The following CFAP91 variants were observed in gnomAD, a reference collection of about 807,000 sequenced individuals.
CFAP91 encodes the protein cilia- and flagella-associated protein 91.
CFAP91 carries 85 observed loss-of-function variants against 95.9 expected under a neutral mutation model. That is an observed-to-expected ratio of 0.89 (90% CI 0.74 to 1.06). The LOEUF is 1.06. Among genes scored for constraint, CFAP91 ranks in the 50% least tolerant of loss-of-function variants. The pLI, the probability that CFAP91 is intolerant of heterozygous loss-of-function variation, is 0.00. For synonymous variants in CFAP91, 335 were observed against 327.5 expected (o/e 1.02, Z -0.25); for missense variants, 962 against 943.4 (o/e 1.02, Z -0.26).
At chr3:119,762,658 T>G (rs961730515) in intron 17 of CFAP91, among the ~76,000 whole-genome samples, 1 of 151,986 alleles carries the variant, frequency 6.6e-6, no homozygotes, top group Non-Finnish European at 1.5e-5. Context: ...AGCCCAGAAA[T>G]GCACCCACAG....
intron 10 of CFAP91, among the ~76,000 whole-genome samples, 169 bp from the exon 11 acceptor site, chr3:119,737,197 A>C (rs973345613): frequency 2.0e-5 from 3 of 152,224 alleles, no homozygotes; most frequent in Admixed American, 6.5e-5. Flanking sequence ...TAGATCTGGT[A>C]ATGAAGGAAA....
rs757881255 is a variant in CFAP91, at chr3:119,732,328, A to G, written c.1053A>G (p.Ile351Met). 6.2e-7 allele frequency: 1 copy of G among 1,610,228 alleles called. No homozygotes were observed. The highest frequency in any genetic ancestry group is 2.2e-5 in the East Asian group (1 of 44,778). ...IRKLVGKRKN[I>M]EGKLERRNII... ...AACTTGTAGGAAAGAGAAAGAATAT[A>G]GAAGGGAAGTTGGAGAGAAGAAATA... is the stretch of plus-strand genomic sequence containing the variant. The change falls in exon 9 of 18, where the codon ATA (isoleucine) becomes ATG (methionine). Residue 351 changes from isoleucine to methionine, a missense_variant. Physicochemically the swap from Ile to Met is conservative, Grantham distance 10. Transcript: ENST00000273390.
intron 5 of CFAP91, chr3:119,710,215 G>A (rs2107856483): frequency 4.7e-6 from 1 of 211,024 alleles, no homozygotes; most frequent in East Asian, 1.2e-4. Context: ...TTGTCCATTT[G>A]TGCTGCTATA....
intron 17 of CFAP91, among the ~76,000 whole-genome samples, chr3:119,762,561 C>G (rs1280819548): frequency 6.6e-6 from 1 of 151,890 alleles, no homozygotes; most frequent in South Asian, 2.1e-4. Flanking sequence ...AAAGCCATCA[C>G]ACTACCTGAC....
chr3:119,711,666 T>G (rs1171187960), intron 5 of CFAP91, among the ~76,000 whole-genome samples: 1 of 152,162 alleles, frequency 6.6e-6, no homozygotes, highest in Non-Finnish European at 1.5e-5. Context: ...GGAATTCCAG[T>G]ATGTTTGAGT....
intron 5 of CFAP91, among the ~76,000 whole-genome samples, chr3:119,714,999 C>T (rs1559749045): frequency 1.3e-5 from 2 of 152,192 alleles, no homozygotes; most frequent in Non-Finnish European, 2.9e-5. Context: ...GACAAGCTAA[C>T]TTTCCCACAT....
Position 119,747,166 on chromosome 3 carries a change from C to CTGAA in CFAP91, c.1956_1959dup (p.Thr654GlufsTer20). ...AAGCTCCTACCTAGAAGACATAATA[C>CTGAA]TGAATACCGAAGCGAATACTGCAGA... On this transcript the variant is annotated frameshift_variant, in exon 15 of 18. Coordinates refer to ENST00000273390, the MANE Select transcript of CFAP91 (RefSeq NM_033364.4). LOFTEE classifies it high-confidence loss of function. The CTGAA allele has an allele frequency of 1.9e-6, 3 of 1,613,550 alleles. No homozygotes were observed. The highest frequency in any genetic ancestry group is 2.5e-6 in the Non-Finnish European group (3 of 1,179,756).
intron 5 of CFAP91, 44 bp downstream of exon 5, chr3:119,709,939 G>C (rs760666190): frequency 1.7e-5 from 24 of 1,425,602 alleles, no homozygotes; most frequent in Admixed American, 3.5e-5. Context: ...TTTATTTATT[G>C]TTTGCTTCCA....
At chr3:119,719,288 A>G (rs4234665) in intron 6 of CFAP91, among the ~76,000 whole-genome samples, 139,079 of 152,254 alleles carry the variant, frequency 0.91, 64,825 homozygotes, top group East Asian at 1. Context: ...TATCCTTGGG[A>G]CAGGTAGTGA....
intron 7 of CFAP91, among the ~76,000 whole-genome samples, chr3:119,726,945 A>G (rs2053795560): frequency 6.6e-6 from 1 of 152,018 alleles, no homozygotes; most frequent in Non-Finnish European, 1.5e-5. Context: ...AGTATATAAC[A>G]ATATACATAA....
At chr3:119,706,656 A>G (rs961030916) in intron 1 of CFAP91, 153 bp from the exon 2 acceptor site, 6 of 619,024 alleles carry the variant, frequency 9.7e-6, no homozygotes, top group East Asian at 2.8e-5. Context: ...ACAGGGCCAC[A>G]TGCACAACAG....
rs1218125118 is a variant in CFAP91, at chr3:119,743,895, T to C, written c.1681-80T>C. On this transcript the variant is annotated intron_variant, in intron 13 of 17. Transcript: ENST00000273390. ...GAAAGTGAATTGACTGCCAAGAGTT[T>C]TGAGTAATCCAGCACTTCTTCTAAT... The C allele has an allele frequency of 2.4e-6, 3 of 1,258,586 alleles. No individual in the cohort carries two copies. The African/African-American group carries it at 4.5e-5, about 19-fold the overall frequency. 78.0% of individuals were successfully genotyped at this position (1,258,586 alleles called of 1,614,324 possible).
At position 119,726,167 on chromosome 3, in the gene CFAP91, G is replaced by A. The variant is rs201030705; in HGVS notation, c.683-4G>A. 1.1e-4 allele frequency: 169 copies of A among 1,605,024 alleles called. 1 individual carries two copies. In the East Asian group the frequency reaches 3.1e-3, roughly 30 times the overall value. ...TTCCTAAGCTGTGCTGCTTTATCCTGCAGGTCGGGGTCTCCCAGCAGGACA... is the reference window on the plus strand; with the variant it reads ...TTCCTAAGCTGTGCTGCTTTATCCTACAGGTCGGGGTCTCCCAGCAGGACA... On this transcript the variant is annotated splice_region_variant and splice_polypyrimidine_tract_variant and intron_variant, in intron 6 of 17. Coordinates refer to ENST00000273390, the MANE Select transcript of CFAP91 (RefSeq NM_033364.4).
At chr3:119,711,683 G>A (rs543020069) in intron 5 of CFAP91, among the ~76,000 whole-genome samples, 4 of 152,328 alleles carry the variant, frequency 2.6e-5, no homozygotes, top group East Asian at 1.9e-4. Flanking sequence ...GAGTTTCTGA[G>A]CAGTGAGTAT....
chr3:119,756,959 A>G (rs2054442597), intron 17 of CFAP91, among the ~76,000 whole-genome samples: 1 of 152,228 alleles, frequency 6.6e-6, no homozygotes, highest in Admixed American at 6.5e-5. Flanking sequence ...GTCAGAATTT[A>G]CCAGACTGAA....
At position 119,740,576 on chromosome 3, in the gene CFAP91, G is replaced by A. The variant is rs1577231256; in HGVS notation, c.1561G>A (p.Glu521Lys). 2 of 1,613,938 alleles carry A rather than the reference G, an allele frequency of 1.2e-6. No individual in the cohort carries two copies. Among genetic ancestry groups the A allele is most frequent in the African/African-American group, 2.7e-5 (2 of 74,998 alleles). Residue 521 changes from glutamate (E) to lysine (K), a missense_variant, in exon 13 of 18, where the codon GAG (glutamate) becomes AAG (lysine). Transcript: ENST00000273390. ...GTTTGAAGGGAAAGAAAAGCGACTG[G>A]AGTTGATCCAGGAGTTGCGCACCTG... The part of the protein sequence containing the change: ...MMFEGKEKRL[E>K]LIQELRTCHA...
intron 6 of CFAP91, among the ~76,000 whole-genome samples, chr3:119,724,722 C>A (rs1330307274): frequency 2.0e-5 from 3 of 151,860 alleles, no homozygotes; most frequent in South Asian, 4.2e-4. Context: ...CTCTATAATA[C>A]CCTAATTTTA....
chr3:119,707,748 T>TATATATAA (rs1254204222), intron 3 of CFAP91, among the ~76,000 whole-genome samples, 187 bp downstream of exon 3: 1 of 148,912 alleles, frequency 6.7e-6, no homozygotes, highest in South Asian at 2.1e-4. Context: ...TATATATATA[T>TATATATAA]AATTTTGTCA....
At chr3:119,726,828 G>A (rs999203770) in intron 7 of CFAP91, among the ~76,000 whole-genome samples, 39 of 114,864 alleles carry the variant, frequency 3.4e-4, no homozygotes, top group African/African-American at 8.9e-4. Flanking sequence ...CCCCCACCCC[G>A]ACCCAAGACA....
Sources: gnomAD v4.1 joint callset for allele counts (sites outside exome capture counted in the v4.1 genomes callset) on GRCh38, gnomAD v4.1.1 for gene constraint, MANE v1.5 for transcripts, NCBI Gene and HGNC (gene_info 2026-07-23, HGNC 2026-07-21) for gene names.